CYP24A1: variants seen among roughly 807,000 people sequenced by gnomAD.
CYP24A1 encodes the protein cytochrome P450 family 24 subfamily A member 1, also known as 1,25-dihydroxyvitamin D(3) 24-hydroxylase, mitochondrial.
Under a neutral mutation model 62.4 loss-of-function variants are expected in CYP24A1, and 68 were observed. That is an observed-to-expected ratio of 1.09 (90% CI 0.90 to 1.33). The LOEUF (loss-of-function observed/expected upper bound fraction) is 1.33, where lower values mean the gene tolerates loss of function less well. CYP24A1 is among the 40% of genes most tolerant of loss of function. The pLI, the probability that CYP24A1 is intolerant of heterozygous loss-of-function variation, is 0.00. For synonymous variants in CYP24A1, 267 were observed against 253.0 expected (o/e 1.06, Z -0.52); for missense variants, 787 against 653.0 (o/e 1.21, Z -2.24).
intron 4 of CYP24A1, among the ~76,000 whole-genome samples, chr20:54,168,360 A>C (rs920621118): frequency 2.0e-5 from 3 of 151,938 alleles, no homozygotes; most frequent in Non-Finnish European, 4.4e-5. Flanking sequence ...GTCAGATGAG[A>C]GGTAAAGTCT....
At chr20:54,160,509 G>A (rs1439867714) in intron 7 of CYP24A1, among the ~76,000 whole-genome samples, 1 of 152,172 alleles carries the variant, frequency 6.6e-6, no homozygotes, top group Admixed American at 6.5e-5. Context: ...CAGAGATGAT[G>A]GTTATTTTAT....
chr20:54,164,650 C>T, intron 5 of CYP24A1, 87 bp from the exon 6 acceptor site: 4 of 1,607,944 alleles, frequency 2.5e-6, no homozygotes, highest in Non-Finnish European at 3.4e-6. Flanking sequence ...TTCTAAACCG[C>T]AGCACCCTGC....
chr20:54,162,748 A>T lies in CYP24A1; in HGVS notation c.959T>A (p.Val320Asp). ...RLSKKELYAA[V>D]TELQLAAVET... ...CACCGCAGCCAGCTGGAGCTCTGTG[A>T]CAGCAGCATACAATTCTTTCTTTGA... Residue 320 changes from valine to aspartate, a missense_variant, in exon 7 of 12, where the codon GTC becomes GAC. Coordinates refer to ENST00000216862, the MANE Select transcript of CYP24A1 (RefSeq NM_000782.5). 1 of 1,599,428 alleles carries T rather than the reference A, an allele frequency of 6.3e-7. No homozygotes were observed. The highest frequency in any genetic ancestry group is 2.2e-5 in the East Asian group (1 of 44,798).
chr20:54,168,776 TTCCCTCCCTCCCTTCTGCCTTCCC>T (rs2092682013), intron 4 of CYP24A1, among the ~76,000 whole-genome samples: 1 of 112,176 alleles, frequency 8.9e-6, no homozygotes, highest in Non-Finnish European at 1.9e-5. Flanking sequence ...CCTTCCTTCC[TTCCCTCCCTCCCTTCTGCCTTCCC>T]TCCCTCCCTC....
rs749446753 is a variant in CYP24A1, at chr20:54,173,586, G to C, written c.-7C>G. The C allele has an allele frequency of 2.2e-5, 34 of 1,568,046 alleles. No individual in the cohort carries two copies. The highest frequency in any genetic ancestry group is 1.2e-4 in the Admixed American group (7 of 56,962). ...TGCTGATGGGGGAGCTCATGGCAGCGGGGGACACCGGAGCGCGGGAAGGCA... is the reference window on the plus strand; with the variant it reads ...TGCTGATGGGGGAGCTCATGGCAGCCGGGGACACCGGAGCGCGGGAAGGCA... On this transcript the variant is annotated 5_prime_UTR_variant, in exon 1 of 12. Coordinates refer to ENST00000216862, the MANE Select transcript of CYP24A1 (RefSeq NM_000782.5). This position sits in a 1 kb window ranked among gnomAD's most constrained non-coding sequence, Gnocchi z 7.2.
At chr20:54,151,493 A>T (rs945726018), downstream of CYP24A1, among the ~76,000 whole-genome samples, 1 of 151,754 alleles carries the variant, frequency 6.6e-6, no homozygotes, top group African/African-American at 2.4e-5. Context: ...GTTTGGTTCA[A>T]ATCTAGTTGC....
chr20:54,149,082 A>G (rs966480709), downstream of CYP24A1, among the ~76,000 whole-genome samples: 2 of 152,226 alleles, frequency 1.3e-5, no homozygotes, highest in African/African-American at 2.4e-5. Flanking sequence ...CCCTGTACCC[A>G]TGATGCTTGG....
At chr20:54,156,466 C>T (rs905085785) in intron 11 of CYP24A1, among the ~76,000 whole-genome samples, 4 of 152,166 alleles carry the variant, frequency 2.6e-5, no homozygotes, top group Admixed American at 6.5e-5. Context: ...AGTTGAGGAT[C>T]GCCTTCAGCT....
At chr20:54,156,212 T>G (rs2092627409) in intron 11 of CYP24A1, among the ~76,000 whole-genome samples, 1 of 152,108 alleles carries the variant, frequency 6.6e-6, no homozygotes, top group South Asian at 2.1e-4. Flanking sequence ...TCTCCTAAAA[T>G]GTGAATGCCC....
Position 54,164,337 on chromosome 20 carries a change from G to A in CYP24A1, c.844+115C>T. 4 of 1,591,894 alleles carry A rather than the reference G, an allele frequency of 2.5e-6. No homozygotes were observed. In the East Asian group the frequency reaches 9.1e-5, roughly 36 times the overall value. On this transcript the variant is annotated intron_variant, in intron 6 of 11. Transcript: ENST00000216862. ...GGCAATCCCCAAAACACCTGTGTTT[G>A]CAAAACCTAAATGTGGTGATGAGGC...
In CYP24A1 at chr20:54,157,602, A is replaced by G; in HGVS notation, c.1237-17T>C. 1 of 1,397,002 alleles carries G rather than the reference A, an allele frequency of 7.2e-7. No homozygotes were observed. The highest frequency in any genetic ancestry group is 1.0e-6 in the Non-Finnish European group (1 of 982,750). 86.5% of individuals were successfully genotyped at this position (1,397,002 alleles called of 1,614,324 possible). A position where few individuals can be genotyped will look rare whatever the true frequency, so the allele number is the denominator to read the frequency against. On this transcript the variant is annotated splice_polypyrimidine_tract_variant and intron_variant, in intron 9 of 11. Coordinates refer to ENST00000216862, the MANE Select transcript of CYP24A1 (RefSeq NM_000782.5). ...GAGCACTGTCTAAACACATGCAGAG[A>G]CACATAGTATTTAAAATAACCAGAA...
chr20:54,168,606 G>T (rs1298888175), intron 4 of CYP24A1, among the ~76,000 whole-genome samples: 1 of 151,830 alleles, frequency 6.6e-6, no homozygotes, highest in Non-Finnish European at 1.5e-5. Context: ...CTTCCTTTAG[G>T]ACTTACCTCA....
At chr20:54,165,922 T>G (rs567441810) in intron 4 of CYP24A1, 89 bp from the exon 5 acceptor site, 2 of 844,766 alleles carry the variant, frequency 2.4e-6, no homozygotes, top group South Asian at 2.7e-5. Context: ...CTCAATTCTA[T>G]GCCTCTTAAA....
chr20:54,151,678 T>C (rs1170498495), downstream of CYP24A1, among the ~76,000 whole-genome samples: 1 of 152,028 alleles, frequency 6.6e-6, no homozygotes, highest in Non-Finnish European at 1.5e-5. Context: ...GAATCTGCCT[T>C]TCTCCTCCCA....
In CYP24A1 at chr20:54,157,567, T is replaced by C. The variant is rs747960079; in HGVS notation, c.1255A>G (p.Thr419Ala). Residue 419 changes from threonine to alanine, a missense_variant, in exon 10 of 12, where the codon ACC becomes GCC. Transcript: ENST00000216862. ...TCTTCACTGGATCCCAACACCTGGG[T>C]ATTTAGCATGAGCACTGTCTAAACA... Reference protein sequence around the residue: ...LPKGTVLMLNTQVLGSSEDNF... With the variant: ...LPKGTVLMLNAQVLGSSEDNF... 3.1e-5 allele frequency: 49 copies of C among 1,590,564 alleles called. 1 individual carries two copies. The South Asian group carries it at 4.7e-4, about 15-fold the overall frequency.
chr20:54,159,011 G>A lies in CYP24A1; in HGVS notation c.1103C>T (p.Ala368Val), dbSNP rs1227845728. 9 of 1,613,994 alleles carry A rather than the reference G, an allele frequency of 5.6e-6. No individual in the cohort carries two copies. Among genetic ancestry groups the A allele is most frequent in the Non-Finnish European group, 5.9e-6 (7 of 1,180,020 alleles). Residue 368 changes from alanine (A) to valine (V), a missense_variant, in exon 8 of 12, where the codon GCA becomes GTA. Physicochemically the swap from Ala to Val is moderately conservative, Grantham distance 64 (BLOSUM62 0). Coordinates refer to ENST00000216862, the MANE Select transcript of CYP24A1 (RefSeq NM_000782.5). ...ATACGGCATATTCCTCAAATCTTCT[G>A]CCCGTGGCACCTGATTCTCAGGTAA... The part of the protein sequence containing the change: ...SVLPENQVPR[A>V]EDLRNMPYLK...
At chr20:54,172,219 A>G (rs1308575137) in intron 2 of CYP24A1, among the ~76,000 whole-genome samples, 1 of 152,234 alleles carries the variant, frequency 6.6e-6, no homozygotes, top group Non-Finnish European at 1.5e-5. Flanking sequence ...CCCATAGCAG[A>G]CCATACAGCC....
intron 5 of CYP24A1, 89 bp downstream of exon 5, chr20:54,165,653 C>T (rs553623248): frequency 4.8e-6 from 4 of 826,942 alleles, no homozygotes; most frequent in Non-Finnish European, 8.5e-6. Flanking sequence ...TGTGTGTATG[C>T]CATTTTTTGG....
the CYP24A1 span, among the ~76,000 whole-genome samples, chr20:54,146,676 C>G: frequency 6.6e-6 from 1 of 152,170 alleles, no homozygotes; most frequent in East Asian, 1.9e-4. Flanking sequence ...CCTTTCTGCT[C>G]AATGTGTGCA....
Sources: allele counts gnomAD v4.1 joint callset (sites outside exome capture counted in the v4.1 genomes callset), GRCh38; gene constraint gnomAD v4.1.1; non-coding constraint Gnocchi (gnomAD v3.1); transcripts MANE v1.5; gene names NCBI Gene and HGNC (gene_info 2026-07-23, HGNC 2026-07-21).